PPL: variants seen among roughly 807,000 people sequenced by gnomAD.
PPL encodes the protein periplakin, also known as 190 kDa paraneoplastic pemphigus antigen.
A neutral mutation model predicts 194.4 loss-of-function variants in PPL; 198 were observed. That is an observed-to-expected ratio of 1.02 (90% CI 0.91 to 1.15). The LOEUF is 1.15. Ranked by LOEUF, PPL falls within the 50% of genes most tolerant of loss-of-function variation. The pLI is 0.00. For synonymous variants in PPL, 1,220 were observed against 972.4 expected, an observed-to-expected ratio of 1.25 and a Z score of -4.74; for missense variants, 2,885 against 2,294.8, an observed-to-expected ratio of 1.26 and a Z score of -5.25.
chr16:4,919,312 G>C (rs1015161182), intron 1 of PPL, among the ~76,000 whole-genome samples: 3 of 152,242 alleles, frequency 2.0e-5, no homozygotes, highest in African/African-American at 7.2e-5. Context: ...GTAGGAGAAA[G>C]ACTTCAGGTC....
chr16:4,888,864 G>C (rs1326375552), intron 19 of PPL, 114 bp downstream of exon 19: 2 of 1,024,956 alleles, frequency 2.0e-6, no homozygotes, highest in Non-Finnish European at 1.5e-6. Context: ...CAGTGCCTCG[G>C]ATGGCCAGCT....
In PPL at chr16:4,888,084, C is replaced by A. The variant is rs777895723; in HGVS notation, c.2514+18G>T. 1 of 1,591,752 alleles carries A rather than the reference C, an allele frequency of 6.3e-7. No homozygotes were observed. The highest frequency in any genetic ancestry group is 1.1e-5 in the South Asian group (1 of 90,596). On this transcript the variant is annotated intron_variant, in intron 20 of 21. Transcript: ENST00000345988. ...GCCTCCACCTCAGTCCCGAGGCCGC[C>A]TGGCCCATGGAACTCACCTCTTCCT...
rs752744150 is a variant in PPL, at chr16:4,884,460, G to T, written c.4195C>A (p.Leu1399Ile). ...TCTAGCTCCTCCAGCTGCCGCTCAA[G>T]CTCGGTGCGCCGGCGCTGCAGCCGC... ...LRRLQRRRTELERQLEELERE... is the reference protein window; with the variant it reads ...LRRLQRRRTEIERQLEELERE... Residue 1399 changes from leucine (L) to isoleucine (I), a missense_variant, in exon 22 of 22, where the codon CTT becomes ATT. By Grantham distance (5) the Leu-to-Ile change is conservative. Transcript: ENST00000345988. The surrounding 1 kb of genome is among the most constrained non-coding windows in gnomAD (Gnocchi z 5.7). The T allele has an allele frequency of 1.1e-5, 17 of 1,602,240 alleles. No individual in the cohort carries two copies. Among genetic ancestry groups the T allele is most frequent in the Non-Finnish European group, 1.4e-5 (17 of 1,177,232 alleles).
Position 4,904,028 on chromosome 16 carries a change from G to A in PPL, c.175C>T (p.Leu59=), listed in dbSNP as rs769771314. The change falls in exon 3 of 22, where the codon CTG becomes TTG. Residue 59 remains leucine, a synonymous_variant. Coordinates refer to ENST00000345988, the MANE Select transcript of PPL (RefSeq NM_002705.5). ...EAKMQSDLAR[L]QEGRQPEHRD... ...TGCTCAGGCTGCCGACCCTCCTGCA[G>A]CCGAGCCAGGTCCTGTGAGGGTCAC... 6.2e-7 allele frequency: 1 copy of A among 1,611,990 alleles called. No individual in the cohort carries two copies. Among genetic ancestry groups the A allele is most frequent in the Non-Finnish European group, 8.5e-7 (1 of 1,179,820 alleles).
chr16:4,929,007 C>T (rs1163312216), intron 1 of PPL, among the ~76,000 whole-genome samples: 1 of 44,610 alleles, frequency 2.2e-5, no homozygotes, highest in Non-Finnish European at 4.1e-5. Context: ...AAGTGAAACT[C>T]TACCTTAAAA....
chr16:4,893,561 A>G lies in PPL; in HGVS notation c.1472T>C (p.Leu491Pro), dbSNP rs778327772. The G allele has an allele frequency of 1.5e-5, 24 of 1,612,490 alleles. No individual in the cohort carries two copies. Among genetic ancestry groups the G allele is most frequent in the Non-Finnish European group, 2.0e-5 (24 of 1,179,872 alleles). Residue 491 changes from leucine (L) to proline (P), a missense_variant, in exon 13 of 22, where the codon CTG becomes CCG. Transcript: ENST00000345988. Reference sequence around the variant, plus strand: ...CCCACCTCCGGGATTCTCGGTCTTCAGCACCTCATACCGCTGCTGCAGCGT... The same window carrying G: ...CCCACCTCCGGGATTCTCGGTCTTCGGCACCTCATACCGCTGCTGCAGCGT... Reference protein sequence around the residue: ...KRTLQQRYEVLKTENPGDASD... With the variant: ...KRTLQQRYEVPKTENPGDASD...
intron 6 of PPL, among the ~76,000 whole-genome samples, chr16:4,899,653 T>C (rs1205043989): frequency 3.3e-5 from 5 of 151,468 alleles, no homozygotes; most frequent in Non-Finnish European, 7.4e-5. Flanking sequence ...CTCCAGACAC[T>C]GGGGATACAG....
At position 4,893,647 on chromosome 16, in the gene PPL, A is replaced by C. The variant is rs1440344235; in HGVS notation, c.1395-9T>G. The C allele has an allele frequency of 6.3e-7, 1 of 1,575,448 alleles. No individual in the cohort carries two copies. Among genetic ancestry groups the C allele is most frequent in the Non-Finnish European group, 8.6e-7 (1 of 1,164,824 alleles). ...GGTACTGGCTGCCCAGGCTGTGAGGACAGAAATGAGCTGGGAACCTGGGCA... is the reference window on the plus strand; with the variant it reads ...GGTACTGGCTGCCCAGGCTGTGAGGCCAGAAATGAGCTGGGAACCTGGGCA... On this transcript the variant is annotated splice_polypyrimidine_tract_variant and intron_variant, in intron 12 of 21. Coordinates refer to ENST00000345988, the MANE Select transcript of PPL (RefSeq NM_002705.5).
intron 1 of PPL, among the ~76,000 whole-genome samples, chr16:4,919,157 C>T (rs965580705): frequency 3.3e-5 from 5 of 152,298 alleles, no homozygotes; most frequent in East Asian, 3.9e-4. Context: ...GAGGGTAACA[C>T]GGACACACGT....
rs751850478 is a variant in PPL, at chr16:4,886,990, CG to C, written c.2607+144del. ...TCTCATGTCAGTAGAAGCATTGGCT[CG>C]GGCCAGTCTTTGCATTGGCCCTGCC... On this transcript the variant is annotated intron_variant, in intron 21 of 21. Coordinates refer to ENST00000345988, the MANE Select transcript of PPL (RefSeq NM_002705.5). The C allele has an allele frequency of 1.0e-4, 70 of 693,332 alleles. No individual in the cohort carries two copies. The Middle Eastern group carries it at 1.2e-3, about 12-fold the overall frequency. 42.9% of individuals were successfully genotyped at this position (693,332 alleles called of 1,614,324 possible).
intron 1 of PPL, among the ~76,000 whole-genome samples, chr16:4,932,139 G>C (rs932653537): frequency 7.2e-5 from 11 of 152,238 alleles, no homozygotes; most frequent in African/African-American, 2.2e-4. Flanking sequence ...TTTGTGAGCT[G>C]TGAGCTCAAG....
intron 1 of PPL, among the ~76,000 whole-genome samples, chr16:4,933,866 C>T (rs1289827657): frequency 6.6e-6 from 1 of 152,244 alleles, no homozygotes; most frequent in Non-Finnish European, 1.5e-5. Context: ...ACCCTGGGTA[C>T]ACCACAGCTA....
At chr16:4,894,986 T>C (rs2088393631) in intron 11 of PPL, among the ~76,000 whole-genome samples, 1 of 152,134 alleles carries the variant, frequency 6.6e-6, no homozygotes. Flanking sequence ...TGGTGTAGGA[T>C]GGACACGTGA....
Position 4,884,832 on chromosome 16 carries a change from C to T in PPL, c.3823G>A (p.Glu1275Lys). ...CDLEIYQLKKEIQALKDTKPQ... is the reference protein window; with the variant it reads ...CDLEIYQLKKKIQALKDTKPQ... ...TTGGTGTCTTTCAGGGCCTGGATTT[C>T]CTTTTTCAGCTGGTAGATCTCTAAA... Residue 1275 changes from glutamate to lysine, a missense_variant, in exon 22 of 22, where the codon GAA (glutamate) becomes AAA (lysine). Physicochemically the swap from Glu to Lys is moderately conservative, Grantham distance 56. Coordinates refer to ENST00000345988, the MANE Select transcript of PPL (RefSeq NM_002705.5). The surrounding 1 kb of genome is among the most constrained non-coding windows in gnomAD (Gnocchi z 5.7). 6.2e-7 allele frequency: 1 copy of T among 1,614,150 alleles called. No homozygotes were observed. Among genetic ancestry groups the T allele is most frequent in the African/African-American group, 1.3e-5 (1 of 75,016 alleles).
intron 14 of PPL, 79 bp downstream of exon 14, chr16:4,893,134 G>T (rs2142344879): frequency 7.0e-7 from 1 of 1,421,508 alleles, no homozygotes. Context: ...ACTCCATGGG[G>T]AAAAGACCTC....
chr16:4,934,244 C>T (rs2089263602), intron 1 of PPL, among the ~76,000 whole-genome samples: 1 of 152,114 alleles, frequency 6.6e-6, no homozygotes, highest in Non-Finnish European at 1.5e-5. Flanking sequence ...CACACCCTGT[C>T]CCGGCCCTCC....
chr16:4,918,400 G>A (rs1405322194), intron 1 of PPL, among the ~76,000 whole-genome samples: 2 of 152,074 alleles, frequency 1.3e-5, no homozygotes, highest in African/African-American at 4.8e-5. Context: ...CTGGCCAGCT[G>A]CAGGTAATCC....
chr16:4,919,021 A>C (rs1337349950), intron 1 of PPL, among the ~76,000 whole-genome samples: 1 of 152,182 alleles, frequency 6.6e-6, no homozygotes, highest in African/African-American at 2.4e-5. Flanking sequence ...ATGCAGACAC[A>C]GACAGCAGCC....
chr16:4,890,882 C>T lies in PPL; in HGVS notation c.2008G>A (p.Gly670Ser). ...GCCTGCAAGTTCTGCTCCACCTCACCCAGGAGGGACTTCTGGGCCTGTAAC... is the reference window on the plus strand; with the variant it reads ...GCCTGCAAGTTCTGCTCCACCTCACTCAGGAGGGACTTCTGGGCCTGTAAC... ...CELQAQKSLLGEVEQNLQAAK... is the reference protein window; with the variant it reads ...CELQAQKSLLSEVEQNLQAAK... Residue 670 changes from glycine (G) to serine (S), a missense_variant, in exon 17 of 22, where the codon GGT (glycine) becomes AGT (serine). Coordinates refer to ENST00000345988, the MANE Select transcript of PPL (RefSeq NM_002705.5). 3.2e-6 allele frequency: 5 copies of T among 1,543,032 alleles called. No individual in the cohort carries two copies. The highest frequency in any genetic ancestry group is 4.4e-6 in the Non-Finnish European group (5 of 1,140,000).
Sources: gnomAD v4.1 joint callset for allele counts (sites outside exome capture counted in the v4.1 genomes callset) on GRCh38, gnomAD v4.1.1 for gene constraint, Gnocchi (gnomAD v3.1) non-coding constraint, MANE v1.5 for transcripts, NCBI Gene and HGNC (gene_info 2026-07-23, HGNC 2026-07-21) for gene names.